The following CROCC variants were observed in gnomAD, a reference collection of about 807,000 sequenced individuals.
CROCC encodes rootletin.
Under a neutral mutation model 245.2 loss-of-function variants are expected in CROCC, and 180 were observed. The ratio of observed to expected loss-of-function variants is 0.73; its 90% CI spans 0.65 to 0.83. The LOEUF (loss-of-function observed/expected upper bound fraction) is 0.83, where lower values mean the gene tolerates loss of function less well. Ranked by LOEUF, CROCC falls within the 40% of genes least tolerant of loss-of-function variation. CROCC has a pLI of 0.00. For synonymous variants in CROCC, 1,205 were observed against 1,241.6 expected (o/e 0.97, Z 0.62); for missense variants, 2,688 against 2,779.4 (o/e 0.97, Z 0.74).
chr1:16,955,664 A>C, intron 24 of CROCC, 114 bp downstream of exon 24: 1 of 988,872 alleles, frequency 1.0e-6, no homozygotes, highest in Non-Finnish European at 1.4e-6. Flanking sequence ...TCTGTCTCCT[A>C]AGCAGAGCCT....
Position 16,972,510 on chromosome 1 carries a change from A to T in CROCC, c.*64A>T. The T allele has an allele frequency of 2.8e-6, 3 of 1,054,158 alleles. No individual in the cohort carries two copies. The highest frequency in any genetic ancestry group is 4.0e-6 in the Non-Finnish European group (3 of 750,258). The allele number at this position is 1,054,158 out of a possible 1,614,324, so 65.3% of individuals were successfully genotyped here. A position where few individuals can be genotyped will look rare whatever the true frequency, so the allele number is the denominator to read the frequency against. On this transcript the variant is annotated 3_prime_UTR_variant, in exon 37 of 37. Coordinates refer to ENST00000375541, the MANE Select transcript of CROCC (RefSeq NM_014675.5). ...ACAGGGGAGGACCCTTCTTTTGGAC[A>T]GCCCCCCCACCCAGAGCCCGGTCCC...
chr1:16,934,542 G>A (rs2075746961), intron 8 of CROCC, among the ~76,000 whole-genome samples: 1 of 152,226 alleles, frequency 6.6e-6, no homozygotes, highest in Non-Finnish European at 1.5e-5. Context: ...GGCTAAAGCA[G>A]TGCACCTGCC....
At position 16,922,734 on chromosome 1, in the gene CROCC, C is replaced by A; in HGVS notation, c.132C>A (p.Ile44=). ...GARDLAQDAQ[I]TSLPALIREI... The stretch of plus-strand genomic sequence containing the variant: ...GGGACCTGGCCCAGGACGCTCAGAT[C>A]ACCAGCCTGCCTGCCCTTATCAGGG... Residue 44 remains isoleucine, a synonymous_variant, in exon 2 of 37, where the codon ATC becomes ATA. Transcript: ENST00000375541. The A allele has an allele frequency of 6.2e-7, 1 of 1,613,940 alleles. No individual in the cohort carries two copies. Among genetic ancestry groups the A allele is most frequent in the Non-Finnish European group, 8.5e-7 (1 of 1,180,014 alleles).
chr1:16,937,593 G>T, intron 9 of CROCC, 48 bp from the exon 10 acceptor site: 3 of 1,489,918 alleles, frequency 2.0e-6, no homozygotes, highest in Non-Finnish European at 1.9e-6. Flanking sequence ...GTGGATTTGA[G>T]AAGCTGGGGT....
intron 36 of CROCC, among the ~76,000 whole-genome samples, chr1:16,971,998 C>G (rs889204555): frequency 3.3e-5 from 5 of 152,218 alleles, no homozygotes; most frequent in Non-Finnish European, 1.5e-5. Context: ...CTGGCCCGCT[C>G]AGATCACATA....
At chr1:16,951,769 C>CT (rs1381984903) in intron 20 of CROCC, 1 of 154,296 alleles carries the variant, frequency 6.5e-6, no homozygotes, top group African/African-American at 2.4e-5. Context: ...AGGGCTGCCT[C>CT]TGACAGAGGT....
intron 3 of CROCC, among the ~76,000 whole-genome samples, chr1:16,928,087 G>C (rs994418600): frequency 1.3e-5 from 2 of 152,294 alleles, no homozygotes; most frequent in East Asian, 1.9e-4. Context: ...GCGTGGGTGA[G>C]AGCAGCTGCC....
chr1:16,932,182 G>A (rs566411418), intron 8 of CROCC, among the ~76,000 whole-genome samples: 20 of 152,384 alleles, frequency 1.3e-4, no homozygotes, highest in Middle Eastern at 3.4e-3. Flanking sequence ...GGTGGCTCAC[G>A]CCTGTAATCC....
intron 19 of CROCC, among the ~76,000 whole-genome samples, chr1:16,949,248 C>A (rs1224281469): frequency 3.3e-5 from 5 of 152,256 alleles, no homozygotes; most frequent in African/African-American, 1.2e-4. Flanking sequence ...GGTCATCAGG[C>A]CTGTTAGTCT....
At position 16,930,135 on chromosome 1, in the gene CROCC, C is replaced by T. The variant is rs567840594; in HGVS notation, c.549C>T (p.Tyr183=). The T allele has an allele frequency of 5.6e-6, 9 of 1,594,006 alleles. No homozygotes were observed. The African/African-American group carries it at 1.1e-4, about 19-fold the overall frequency. ...CTCCCCATCCCCAGATTCTCCAGTACAAGAAGAGGTGCTCGGAGCTGGAGC... is the reference window on the plus strand; with the variant it reads ...CTCCCCATCCCCAGATTCTCCAGTATAAGAAGAGGTGCTCGGAGCTGGAGC... ...VQRLQGKILQ[Y]KKRCSELEQQ... Residue 183 remains tyrosine, a synonymous_variant, in exon 5 of 37, where the codon TAC becomes TAT. Coordinates refer to ENST00000375541, the MANE Select transcript of CROCC (RefSeq NM_014675.5).
intron 8 of CROCC, 68 bp downstream of exon 8, chr1:16,931,465 A>G: frequency 7.0e-7 from 1 of 1,432,998 alleles, no homozygotes; most frequent in South Asian, 1.2e-5. Context: ...AACTGAACTC[A>G]GTTGAATTTC....
chr1:16,972,045 CG>C (rs1363374965), intron 36 of CROCC, among the ~76,000 whole-genome samples: 2 of 152,224 alleles, frequency 1.3e-5, no homozygotes, highest in East Asian at 3.8e-4. Flanking sequence ...CCTTGTCGGC[CG>C]GGCAAGGCTT....
chr1:16,936,941 G>A (rs1425130703), intron 9 of CROCC, 68 bp downstream of exon 9: 1 of 1,473,214 alleles, frequency 6.8e-7, no homozygotes, highest in African/African-American at 1.4e-5. Context: ...GAGTTGGGGA[G>A]AAGGGAGCAT....
chr1:16,937,109 C>A (rs151124297), intron 9 of CROCC, among the ~76,000 whole-genome samples: 1,670 of 152,250 alleles, frequency 0.011, 11 homozygotes, highest in Non-Finnish European at 0.015. Context: ...AATCCCAGCA[C>A]TTTGGGAGAC....
chr1:16,972,513 C>A lies in CROCC; in HGVS notation c.*67C>A, dbSNP rs547287592. The stretch of plus-strand genomic sequence containing the variant: ...GGGGAGGACCCTTCTTTTGGACAGC[C>A]CCCCCACCCAGAGCCCGGTCCCTTG... On this transcript the variant is annotated 3_prime_UTR_variant, in exon 37 of 37. Transcript: ENST00000375541. The A allele has an allele frequency of 6.9e-5, 72 of 1,040,200 alleles. 1 individual carries two copies. Among genetic ancestry groups the A allele is most frequent in the Middle Eastern group, 2.9e-4 (1 of 3,498 alleles). The allele number at this position is 1,040,200 out of a possible 1,614,324, so 64.4% of individuals were successfully genotyped here.
intron 26 of CROCC, among the ~76,000 whole-genome samples, chr1:16,959,849 C>T (rs557245090): frequency 1.3e-5 from 2 of 152,208 alleles, no homozygotes; most frequent in African/African-American, 4.8e-5. Flanking sequence ...AAGTGCAGCC[C>T]ACAGCCCCCG....
chr1:16,960,491 C>T (rs2076312538), intron 26 of CROCC, among the ~76,000 whole-genome samples: 1 of 152,174 alleles, frequency 6.6e-6, no homozygotes, highest in Admixed American at 6.5e-5. Context: ...CACTGATAAG[C>T]CCTATGTATT....
intron 25 of CROCC, among the ~76,000 whole-genome samples, chr1:16,957,989 G>A (rs1306245096): frequency 8.7e-6 from 1 of 114,696 alleles, no homozygotes; most frequent in African/African-American, 2.9e-5. Flanking sequence ...GGGGAGGTAG[G>A]CAGTACCCCT....
Position 16,950,871 on chromosome 1 carries a change from T to C in CROCC, c.2837-82T>C, listed in dbSNP as rs145600625. On this transcript the variant is annotated intron_variant, in intron 19 of 36. Coordinates refer to ENST00000375541, the MANE Select transcript of CROCC (RefSeq NM_014675.5). ...CCCTCTGCCTCTGGGATTTTGCCCA[T>C]GTGGCTCACCTGGCCTAAGTCTGCT... 2.1e-4 allele frequency: 273 copies of C among 1,281,732 alleles called. No individual in the cohort carries two copies. The African/African-American group carries it at 3.9e-3, about 18-fold the overall frequency. The allele number at this position is 1,281,732 out of a possible 1,614,324, so 79.4% of individuals were successfully genotyped here.
Sources: allele counts gnomAD v4.1 joint callset (sites outside exome capture counted in the v4.1 genomes callset), GRCh38; gene constraint gnomAD v4.1.1; transcripts MANE v1.5; gene names NCBI Gene and HGNC (gene_info 2026-07-23, HGNC 2026-07-21).